Variants in WNT3 observed in about 807,000 individuals in gnomAD.
The protein encoded by WNT3 is proto-oncogene Wnt-3.
A neutral mutation model predicts 34.2 loss-of-function variants in WNT3; 7 were observed. The observed-to-expected ratio is 0.20, with a 90% CI of 0.12 to 0.38. The LOEUF is 0.38. Among genes scored for constraint, WNT3 ranks in the 10% least tolerant of loss-of-function variants. The probability of loss-of-function intolerance (pLI) is 1.00; values close to 1 mark genes in which losing one functional copy is unlikely to be tolerated. For synonymous variants in WNT3, 212 were observed against 211.5 expected, an observed-to-expected ratio of 1.00 and a Z score of -0.02; for missense variants, 267 against 499.8, an observed-to-expected ratio of 0.53 and a Z score of 4.44.
At chr17:46,789,131 G>A (rs2083946131) in intron 1 of WNT3, among the ~76,000 whole-genome samples, 1 of 152,130 alleles carries the variant, frequency 6.6e-6, no homozygotes, top group Admixed American at 6.5e-5. Flanking sequence ...GGCACTCCTG[G>A]TCTTGCAAGG....
chr17:46,764,331 A>G lies in WNT3; in HGVS notation c.*299T>C, dbSNP rs1349848325. On this transcript the variant is annotated 3_prime_UTR_variant, in exon 5 of 5. Transcript: ENST00000225512. ...TTTTTTCATTTTTATTTTCTTTAAC[A>G]TGTGCAAAGATAAGCCTCAGGTCTG... 5 of 152,680 alleles carry G rather than the reference A, an allele frequency of 3.3e-5. No individual in the cohort carries two copies. The highest frequency in any genetic ancestry group is 9.6e-5 in the African/African-American group (4 of 41,546). 9.5% of individuals were successfully genotyped at this position (152,680 alleles called of 1,614,324 possible).
At chr17:46,809,520 T>G (rs2084243660) in intron 1 of WNT3, among the ~76,000 whole-genome samples, 1 of 152,236 alleles carries the variant, frequency 6.6e-6, no homozygotes, top group South Asian at 2.1e-4. Flanking sequence ...CCAGCCGAGC[T>G]GGAGGGAATG....
At chr17:46,810,333 C>G (rs1462615089) in intron 1 of WNT3, among the ~76,000 whole-genome samples, 1 of 152,096 alleles carries the variant, frequency 6.6e-6, no homozygotes, top group African/African-American at 2.4e-5. Flanking sequence ...CTAGGACTCA[C>G]AGTGATAGTT....
At chr17:46,792,507 T>C (rs977945492) in intron 1 of WNT3, among the ~76,000 whole-genome samples, 1 of 152,178 alleles carries the variant, frequency 6.6e-6, no homozygotes, top group African/African-American at 2.4e-5. Flanking sequence ...AGAGTCTTGC[T>C]CTGTCACCCA....
intron 1 of WNT3, among the ~76,000 whole-genome samples, chr17:46,800,975 G>C (rs1370794110): frequency 6.6e-6 from 1 of 152,206 alleles, no homozygotes; most frequent in Admixed American, 6.5e-5. Flanking sequence ...AGGTGTGCAC[G>C]AGAACAACGC....
At chr17:46,779,213 G>A (rs550822881) in intron 1 of WNT3, among the ~76,000 whole-genome samples, 71 of 152,228 alleles carry the variant, frequency 4.7e-4, no homozygotes, top group African/African-American at 1.6e-3. Context: ...CCCCTCACTC[G>A]CCAGACCTCC....
intron 1 of WNT3, among the ~76,000 whole-genome samples, chr17:46,784,213 A>T (rs1174742382): frequency 6.6e-6 from 1 of 152,186 alleles, no homozygotes; most frequent in African/African-American, 2.4e-5. Context: ...GAAGGAGGAA[A>T]GTATGGCCAA....
rs1481918861 is a variant in WNT3 at position 46,768,289 on chromosome 17, C to G, written c.*8+23G>C. The stretch of plus-strand genomic sequence containing the variant: ...TCCCTGCGCCCAGGCTCCCAGCCTC[C>G]CCCCTGCTTCCCGGAGCCCTACCTG... On this transcript the variant is annotated intron_variant, in intron 4 of 4. Coordinates refer to ENST00000225512, the MANE Select transcript of WNT3 (RefSeq NM_030753.5). This position sits in a 1 kb window ranked among gnomAD's most constrained non-coding sequence, Gnocchi z 5.0. The G allele has an allele frequency of 8.7e-6, 14 of 1,612,670 alleles. No individual in the cohort carries two copies. The highest frequency in any genetic ancestry group is 1.2e-5 in the Non-Finnish European group (14 of 1,180,012).
chr17:46,801,098 T>G (rs944618504), intron 1 of WNT3, among the ~76,000 whole-genome samples: 2 of 152,172 alleles, frequency 1.3e-5, no homozygotes, highest in Non-Finnish European at 2.9e-5. Context: ...ACAATAGCCC[T>G]CGTTATCCCC....
intron 2 of WNT3, among the ~76,000 whole-genome samples, chr17:46,773,363 A>G (rs1335481923): frequency 6.6e-6 from 1 of 152,106 alleles, no homozygotes; most frequent in African/African-American, 2.4e-5. Flanking sequence ...CACTTAACAC[A>G]GCATTGGGGA....
intron 1 of WNT3, among the ~76,000 whole-genome samples, chr17:46,786,068 C>CA (rs945995544): frequency 7.1e-6 from 1 of 140,938 alleles, no homozygotes; most frequent in African/African-American, 2.6e-5. Context: ...CCCACCCCCC[C>CA]ACCCCTTCAT....
At chr17:46,808,816 A>G (rs2084231449) in intron 1 of WNT3, among the ~76,000 whole-genome samples, 1 of 152,104 alleles carries the variant, frequency 6.6e-6, no homozygotes, top group South Asian at 2.1e-4. Context: ...AAAAAAGAAA[A>G]AGAAACCCAG....
chr17:46,785,666 C>T (rs563178010), intron 1 of WNT3, among the ~76,000 whole-genome samples: 1 of 152,336 alleles, frequency 6.6e-6, no homozygotes, highest in South Asian at 2.1e-4. Flanking sequence ...TGCCAGGGAC[C>T]ACCTGAGAGC....
chr17:46,770,093 G>C, intron 2 of WNT3, 45 bp from the exon 3 acceptor site: 1 of 1,501,992 alleles, frequency 6.7e-7, no homozygotes, highest in East Asian at 2.5e-5. Flanking sequence ...CCCGGCCTGG[G>C]AGCGCCTGCC....
At position 46,768,424 on chromosome 17, in the gene WNT3, T is replaced by C. The variant is rs1363009249; in HGVS notation, c.964A>G (p.Arg322Gly). Residue 322 changes from arginine (R) to glycine (G), a missense_variant, in exon 4 of 5, where the codon AGG becomes GGG. By Grantham distance (125) the Arg-to-Gly change is moderately radical. Transcript: ENST00000225512. This position sits in a 1 kb window ranked among gnomAD's most constrained non-coding sequence, Gnocchi z 5.0. ...CATTTTTCCTTCCGCTTCTCCGTCC[T>C]CGTGTTGTGGCCCCGGCCACAGCAG... ...LLCCGRGHNT[R>G]TEKRKEKCHC... is the part of the protein sequence containing the mutation. 1 of 1,613,886 alleles carries C rather than the reference T, an allele frequency of 6.2e-7. No homozygotes were observed. The highest frequency in any genetic ancestry group is 1.7e-5 in the Admixed American group (1 of 60,032).
At position 46,768,246 on chromosome 17, in the gene WNT3, A is replaced by T. The variant is rs1244773437; in HGVS notation, c.*8+66T>A. 6.2e-7 allele frequency: 1 copy of T among 1,605,858 alleles called. No homozygotes were observed. Among genetic ancestry groups the T allele is most frequent in the African/African-American group, 1.3e-5 (1 of 74,878 alleles). ...AGAAGGGGGTCGTCAAGAAGACGAG[A>T]TGGGCAAACAACCCCATTCCCTGCG... On this transcript the variant is annotated intron_variant, in intron 4 of 4. Transcript: ENST00000225512. This position sits in a 1 kb window ranked among gnomAD's most constrained non-coding sequence, Gnocchi z 5.0.
At chr17:46,773,619 T>TGGGGGG in intron 2 of WNT3, 49 bp downstream of exon 2, 1 of 549,848 alleles carries the variant, frequency 1.8e-6, no homozygotes, top group Non-Finnish European at 3.2e-6. Flanking sequence ...ACAGTCCTGA[T>TGGGGGG]CCCTCCCCCC....
chr17:46,770,977 C>A (rs1042824031), intron 2 of WNT3, among the ~76,000 whole-genome samples: 5 of 152,374 alleles, frequency 3.3e-5, no homozygotes, highest in Non-Finnish European at 2.9e-5. Context: ...CTGACACAGG[C>A]TGTGAAACGC....
chr17:46,793,527 G>T (rs1028788195), intron 1 of WNT3, among the ~76,000 whole-genome samples: 1 of 152,154 alleles, frequency 6.6e-6, no homozygotes, highest in Non-Finnish European at 1.5e-5. Flanking sequence ...CTCAGACAAG[G>T]CTGGACCCAC....
Sources: gnomAD v4.1 joint callset for allele counts (sites outside exome capture counted in the v4.1 genomes callset) on GRCh38, gnomAD v4.1.1 for gene constraint, Gnocchi (gnomAD v3.1) non-coding constraint, MANE v1.5 for transcripts, NCBI Gene and HGNC (gene_info 2026-07-23, HGNC 2026-07-21) for gene names.